The following FAF1 variants were observed in gnomAD, a reference collection of about 807,000 sequenced individuals.
FAF1 encodes the protein Fas associated factor 1.
In FAF1, 25 loss-of-function variants were observed where a neutral mutation model predicts 92.5. The ratio of observed to expected loss-of-function variants is 0.27; its 90% CI spans 0.20 to 0.38. FAF1 has a LOEUF of 0.38. FAF1 is among the 10% of genes least tolerant of loss of function. The pLI, the probability that FAF1 is intolerant of heterozygous loss-of-function variation, is 1.00. For missense variants in FAF1, 636 were observed against 793.3 expected, an observed-to-expected ratio of 0.80 and a Z score of 2.38; for synonymous variants, 234 against 273.2, an observed-to-expected ratio of 0.86 and a Z score of 1.42.
chr1:50,694,796 A>C (rs1657114797), intron 7 of FAF1, among the ~76,000 whole-genome samples: 1 of 141,550 alleles, frequency 7.1e-6, no homozygotes, highest in South Asian at 2.8e-4. Context: ...AAAATACAAA[A>C]AAAAAAAAAA....
At chr1:50,762,639 G>T (rs1245655261) in intron 4 of FAF1, among the ~76,000 whole-genome samples, 3 of 152,216 alleles carry the variant, frequency 2.0e-5, no homozygotes, top group African/African-American at 7.2e-5. Flanking sequence ...CTAGCCATAT[G>T]TAGAAAGCTG....
At chr1:50,580,818 C>T (rs1261710866) in intron 12 of FAF1, among the ~76,000 whole-genome samples, 2 of 152,182 alleles carry the variant, frequency 1.3e-5, no homozygotes, top group African/African-American at 4.8e-5. Flanking sequence ...ATTATCCAGG[C>T]TGGAGTGCAG....
chr1:50,491,426 T>A (rs1490870360), intron 16 of FAF1, among the ~76,000 whole-genome samples: 4 of 152,194 alleles, frequency 2.6e-5, no homozygotes, highest in Non-Finnish European at 4.4e-5. Flanking sequence ...TGACTGCACA[T>A]GAGAATCACC....
At position 50,784,721 on chromosome 1, in the gene FAF1, C is replaced by T. The variant is rs927514192; in HGVS notation, c.367+3279G>A. Among the ~76,000 whole-genome samples, 4 of 152,100 alleles carry T rather than the reference C, an allele frequency of 2.6e-5. No homozygotes were observed. In the East Asian group the frequency reaches 7.7e-4, roughly 29 times the overall value. ...ATAAGTAACCACAAGGAACTCCAAA[C>T]ACAATTGTGAGAAAGAAGAACAAAG... On this transcript the variant is annotated intron_variant, in intron 4 of 18. Coordinates refer to ENST00000396153, the MANE Select transcript of FAF1 (RefSeq NM_007051.3).
chr1:50,555,995 T>C (rs534532027), intron 13 of FAF1, among the ~76,000 whole-genome samples: 10 of 151,726 alleles, frequency 6.6e-5, no homozygotes, highest in African/African-American at 1.9e-4. Context: ...TGTGTATATA[T>C]ATGGTGTGTG....
chr1:50,654,172 G>A (rs1485246844), intron 8 of FAF1, among the ~76,000 whole-genome samples: 1 of 152,110 alleles, frequency 6.6e-6, no homozygotes, highest in East Asian at 1.9e-4. Context: ...GAAGAGGAGT[G>A]AACTGTAGTT....
intron 7 of FAF1, among the ~76,000 whole-genome samples, chr1:50,668,946 T>G (rs1655749925): frequency 6.6e-6 from 1 of 152,110 alleles, no homozygotes; most frequent in Non-Finnish European, 1.5e-5. Context: ...ACAAAGCTAT[T>G]CCTTAGCTCA....
At chr1:50,712,878 T>G (rs192714874) in intron 6 of FAF1, among the ~76,000 whole-genome samples, 223 of 151,774 alleles carry the variant, frequency 1.5e-3, no homozygotes, top group Non-Finnish European at 2.6e-3. Context: ...TACCTTCAAG[T>G]TGGGGGGGCG....
At chr1:50,789,880 T>C (rs1661501710) in intron 3 of FAF1, among the ~76,000 whole-genome samples, 1 of 152,204 alleles carries the variant, frequency 6.6e-6, no homozygotes, top group Non-Finnish European at 1.5e-5. Context: ...CTTTCATTTC[T>C]TCTCTCACCT....
intron 1 of FAF1, among the ~76,000 whole-genome samples, chr1:50,898,405 G>T (rs1248088836): frequency 2.6e-5 from 4 of 152,138 alleles, no homozygotes; most frequent in Admixed American, 2.0e-4. Flanking sequence ...TATACAGATA[G>T]ACACATTAAA....
At chr1:50,623,299 G>A (rs980709659) in intron 8 of FAF1, among the ~76,000 whole-genome samples, 38 of 152,070 alleles carry the variant, frequency 2.5e-4, no homozygotes, top group African/African-American at 8.9e-4. Context: ...CAGGCGTGGT[G>A]GCTCACACCT....
At chr1:50,504,727 G>A (rs555169143) in intron 15 of FAF1, among the ~76,000 whole-genome samples, 1 of 152,280 alleles carries the variant, frequency 6.6e-6, no homozygotes, top group Admixed American at 6.5e-5. Context: ...GATCACTGAA[G>A]CCACCTCACC....
At chr1:50,916,676 A>G (rs928257657) in intron 1 of FAF1, among the ~76,000 whole-genome samples, 9 of 152,226 alleles carry the variant, frequency 5.9e-5, no homozygotes, top group Non-Finnish European at 1.3e-4. Flanking sequence ...GAGCACTAAC[A>G]AATCATAGAT....
At chr1:50,893,837 G>A (rs537871481) in intron 1 of FAF1, among the ~76,000 whole-genome samples, 1 of 152,314 alleles carries the variant, frequency 6.6e-6, no homozygotes, top group African/African-American at 2.4e-5. Flanking sequence ...AGCCAGACTA[G>A]GGTCAAACAC....
chr1:50,775,099 C>A (rs1660908154), intron 4 of FAF1, among the ~76,000 whole-genome samples: 1 of 152,012 alleles, frequency 6.6e-6, no homozygotes, highest in African/African-American at 2.4e-5. Context: ...TATACAGCTA[C>A]AGAAAAAATA....
intron 7 of FAF1, among the ~76,000 whole-genome samples, chr1:50,685,961 A>T (rs1656638952): frequency 1.3e-5 from 2 of 152,220 alleles, no homozygotes; most frequent in Admixed American, 6.5e-5. Context: ...CATTGAGAAT[A>T]TGCTTTCCTA....
chr1:50,465,298 A>T (rs754727314), intron 18 of FAF1, among the ~76,000 whole-genome samples: 1 of 152,236 alleles, frequency 6.6e-6, no homozygotes, highest in East Asian at 1.9e-4. Context: ...CTGTAAAGTA[A>T]GGATACTCCA....
In FAF1 at chr1:50,441,438, G is replaced by A. The variant is rs759777870; in HGVS notation, c.*2C>T. The A allele has an allele frequency of 2.0e-6, 3 of 1,529,560 alleles. No individual in the cohort carries two copies. Among genetic ancestry groups the A allele is most frequent in the Non-Finnish European group, 2.7e-6 (3 of 1,131,078 alleles). The allele number at this position is 1,529,560 out of a possible 1,614,324, so 94.7% of individuals were successfully genotyped here. On this transcript the variant is annotated 3_prime_UTR_variant, in exon 19 of 19. Transcript: ENST00000396153. ...ATGGCTGGTTCCACCGCTGGGCCGT[G>A]TTTACTCTTTTGCTTCAAGGAAAAG...
At chr1:50,881,406 A>T (rs1263471770) in intron 1 of FAF1, among the ~76,000 whole-genome samples, 1 of 152,208 alleles carries the variant, frequency 6.6e-6, no homozygotes, top group African/African-American at 2.4e-5. Flanking sequence ...TGGTGAACTC[A>T]TCCTGAAAGA....
Sources: allele counts gnomAD v4.1 joint callset (sites outside exome capture counted in the v4.1 genomes callset), GRCh38; gene constraint gnomAD v4.1.1; transcripts MANE v1.5; gene names NCBI Gene and HGNC (gene_info 2026-07-23, HGNC 2026-07-21).